ASAP3: variants seen among roughly 807,000 people sequenced by gnomAD.
ASAP3 encodes the protein arf-GAP with SH3 domain, ANK repeat and PH domain-containing protein 3.
In ASAP3, 85 loss-of-function variants were observed where a neutral mutation model predicts 118.2. The ratio of observed to expected loss-of-function variants is 0.72; its 90% CI spans 0.60 to 0.86. The LOEUF (loss-of-function observed/expected upper bound fraction) is 0.86, where lower values mean the gene tolerates loss of function less well. ASAP3 is among the 40% of genes least tolerant of loss of function. The pLI is 0.00. For missense variants in ASAP3, 1,026 were observed against 1,175.0 expected (o/e 0.87, Z 1.85); for synonymous variants, 432 against 477.4 (o/e 0.90, Z 1.24).
intron 1 of ASAP3, 47 bp downstream of exon 1, chr1:23,483,958 C>A: frequency 8.0e-7 from 1 of 1,248,472 alleles, no homozygotes; most frequent in Non-Finnish European, 1.0e-6. Context: ...GAGGTCAAGG[C>A]CAGGCCCGGC....
At chr1:23,439,715 TTTC>T (rs3065144) in intron 10 of ASAP3, among the ~76,000 whole-genome samples, 5,336 of 152,286 alleles carry the variant, frequency 0.035, 274 homozygotes, top group African/African-American at 0.12. Flanking sequence ...TATTCATTGG[TTTC>T]TTCTTCAAAG....
At position 23,438,147 on chromosome 1, in the gene ASAP3, C is replaced by T. The variant is rs1424234892; in HGVS notation, c.1102+600G>A. Among the ~76,000 whole-genome samples, 1 of 152,174 alleles carries T rather than the reference C, an allele frequency of 6.6e-6. No individual in the cohort carries two copies. Among genetic ancestry groups the T allele is most frequent in the African/African-American group, 2.4e-5 (1 of 41,418 alleles). The stretch of plus-strand genomic sequence containing the variant: ...CAAACTCTTCATTCTACATGTCCTT[C>T]AAGGCTAAACTCAAATACTGTCTCC... On this transcript the variant is annotated intron_variant, in intron 12 of 24. Coordinates refer to ENST00000336689, the MANE Select transcript of ASAP3 (RefSeq NM_017707.4). This position sits in a 1 kb window ranked among gnomAD's most constrained non-coding sequence, Gnocchi z 4.9.
intron 3 of ASAP3, among the ~76,000 whole-genome samples, chr1:23,454,749 G>A (rs1164724848): frequency 1.3e-5 from 2 of 152,198 alleles, no homozygotes; most frequent in Non-Finnish European, 2.9e-5. Flanking sequence ...TATAATATTA[G>A]CCAACATTTA....
intron 1 of ASAP3, among the ~76,000 whole-genome samples, chr1:23,475,185 C>T (rs1408815583): frequency 6.6e-6 from 1 of 152,212 alleles, no homozygotes; most frequent in Non-Finnish European, 1.5e-5. Flanking sequence ...GAAGCCCTCA[C>T]TACAGACTTT....
intron 10 of ASAP3, 52 bp from the exon 11 acceptor site, chr1:23,439,282 G>A (rs144264869): frequency 1.9e-5 from 29 of 1,559,138 alleles, no homozygotes; most frequent in African/African-American, 4.1e-5. Flanking sequence ...CACCTAGTTC[G>A]CAGGTGTCAG....
intron 5 of ASAP3, among the ~76,000 whole-genome samples, chr1:23,450,141 G>A (rs533228310): frequency 2.5e-4 from 38 of 152,372 alleles, no homozygotes; most frequent in African/African-American, 8.9e-4. Context: ...CTTGTGCAGG[G>A]ACAAGATGTG....
chr1:23,449,493 GC>G (rs1641148455), intron 5 of ASAP3, among the ~76,000 whole-genome samples: 1 of 152,174 alleles, frequency 6.6e-6, no homozygotes, highest in East Asian at 1.9e-4. Flanking sequence ...TGCTATCAGG[GC>G]CCTGGGCCCT....
At chr1:23,446,652 G>A (rs968951778) in intron 5 of ASAP3, among the ~76,000 whole-genome samples, 24 of 152,012 alleles carry the variant, frequency 1.6e-4, no homozygotes, top group Non-Finnish European at 1.5e-5. Context: ...GTTTCAGGCT[G>A]GTCTCGAACT....
chr1:23,434,647 C>G, intron 17 of ASAP3, 29 bp from the exon 18 acceptor site: 2 of 1,540,428 alleles, frequency 1.3e-6, no homozygotes, highest in Non-Finnish European at 1.7e-6. Context: ...CTCTGAGATT[C>G]CCCCCCCAGT....
At chr1:23,468,870 C>CAAA (rs1172330542) in intron 1 of ASAP3, among the ~76,000 whole-genome samples, 1 of 47,356 alleles carries the variant, frequency 2.1e-5, no homozygotes, top group Non-Finnish European at 3.9e-5. Context: ...GACTCCATCT[C>CAAA]AAAAAAAAAA....
rs781229291 is a variant in ASAP3 at position 23,431,087 on chromosome 1, C to T, written c.2585G>A (p.Ser862Asn). ...CCTGGCTGAGGGACCATCTTCAGGGCTCCGCGCCCCCCGCCGATAGGAGCG... is the reference window on the plus strand; with the variant it reads ...CCTGGCTGAGGGACCATCTTCAGGGTTCCGCGCCCCCCGCCGATAGGAGCG... ...STRSYRRGAR[S>N]PEDGPSARQP... Residue 862 changes from serine (S) to asparagine (N), a missense_variant, in exon 24 of 25, where the codon AGC becomes AAC. Coordinates refer to ENST00000336689, the MANE Select transcript of ASAP3 (RefSeq NM_017707.4). 1.9e-6 allele frequency: 3 copies of T among 1,569,662 alleles called. No individual in the cohort carries two copies. The highest frequency in any genetic ancestry group is 2.6e-6 in the Non-Finnish European group (3 of 1,157,970).
chr1:23,442,424 C>T, intron 6 of ASAP3, 77 bp downstream of exon 6: 1 of 1,596,566 alleles, frequency 6.3e-7, no homozygotes, highest in Non-Finnish European at 8.5e-7. Flanking sequence ...TGAGCTGAGG[C>T]TGTGACTGGT....
chr1:23,441,265 C>A (rs1403813724), intron 9 of ASAP3, 54 bp from the exon 10 acceptor site: 17 of 1,607,702 alleles, frequency 1.1e-5, no homozygotes, highest in Non-Finnish European at 1.3e-5. Context: ...GGAAGAGCCC[C>A]ATTCTGCGGG....
intron 3 of ASAP3, among the ~76,000 whole-genome samples, chr1:23,453,634 G>A (rs749504194): frequency 2.1e-4 from 32 of 151,974 alleles, no homozygotes; most frequent in Admixed American, 1.7e-3. Context: ...CTGTGATTTC[G>A]CAACCTAAAG....
intron 5 of ASAP3, among the ~76,000 whole-genome samples, chr1:23,443,572 C>CT (rs746267830): frequency 9.2e-5 from 14 of 151,940 alleles, no homozygotes; most frequent in African/African-American, 3.1e-4. Context: ...CTTTCTTTTT[C>CT]TTTTTTTTAG....
At position 23,431,904 on chromosome 1, in the gene ASAP3, A is replaced by G. The variant is rs1640449252; in HGVS notation, c.2338T>C (p.Ser780Pro). 6.2e-7 allele frequency: 1 copy of G among 1,612,830 alleles called. No homozygotes were observed. ...TCAGGGGCCTCTGAACTCAGGCTGG[A>G]GACTTCAGAACGATCTGGAATCAGA... ...RHASGDRSEV[S>P]SLSSEAPETP... Residue 780 changes from serine (S) to proline (P), a missense_variant, in exon 23 of 25, where the codon TCC (serine) becomes CCC (proline). By Grantham distance (74) the Ser-to-Pro change is moderately conservative (BLOSUM62 -1). Coordinates refer to ENST00000336689, the MANE Select transcript of ASAP3 (RefSeq NM_017707.4).
At chr1:23,455,854 T>C (rs767622830) in intron 3 of ASAP3, 27 bp downstream of exon 3, 4 of 1,613,094 alleles carry the variant, frequency 2.5e-6, no homozygotes, top group Non-Finnish European at 3.4e-6. Context: ...ACCCTGAGTC[T>C]GGGCAAGGAA....
At chr1:23,442,026 C>T (rs986339159) in intron 7 of ASAP3, among the ~76,000 whole-genome samples, 160 bp downstream of exon 7, 4 of 152,186 alleles carry the variant, frequency 2.6e-5, no homozygotes, top group Admixed American at 6.5e-5. Context: ...TTGTAAAGTA[C>T]TCATGCCTGA....
intron 1 of ASAP3, among the ~76,000 whole-genome samples, chr1:23,460,528 C>CAAAAAAAAAAAAA (rs1558161244): frequency 7.1e-6 from 1 of 140,364 alleles, no homozygotes; most frequent in Non-Finnish European, 1.5e-5. Flanking sequence ...AAAAAAAAAC[C>CAAAAAAAAAAAAA]AAACAAAAAC....
Sources: gnomAD v4.1 joint callset for allele counts (sites outside exome capture counted in the v4.1 genomes callset) on GRCh38, gnomAD v4.1.1 for gene constraint, Gnocchi (gnomAD v3.1) non-coding constraint, MANE v1.5 for transcripts, NCBI Gene and HGNC (gene_info 2026-07-23, HGNC 2026-07-21) for gene names.